The following ARMH3 variants were observed in gnomAD, a reference collection of about 807,000 sequenced individuals.
ARMH3 encodes armadillo like helical domain containing 3.
In ARMH3, 60 loss-of-function variants were observed where a neutral mutation model predicts 99.1. That is an observed-to-expected ratio of 0.61 (90% CI 0.49 to 0.75). The LOEUF is 0.75. Ranked by LOEUF, ARMH3 falls within the 30% of genes least tolerant of loss-of-function variation. The pLI is 0.00. For missense variants in ARMH3, 679 were observed against 843.1 expected, an observed-to-expected ratio of 0.81 and a Z score of 2.41; for synonymous variants, 285 against 292.8, an observed-to-expected ratio of 0.97 and a Z score of 0.27.
intron 1 of ARMH3, among the ~76,000 whole-genome samples, chr10:102,052,349 T>C: frequency 6.6e-6 from 1 of 152,092 alleles, no homozygotes; most frequent in South Asian, 2.1e-4. Context: ...TCAGCCTCCT[T>C]AGTAGCTGGC....
chr10:101,996,475 T>G (rs1847060549), intron 15 of ARMH3, among the ~76,000 whole-genome samples: 1 of 152,072 alleles, frequency 6.6e-6, no homozygotes, highest in Non-Finnish European at 1.5e-5. Context: ...ATGGTGACAA[T>G]CCCTATCTGA....
Position 102,008,621 on chromosome 10 carries a change from C to T in ARMH3, c.954+753G>A, listed in dbSNP as rs918816666. Among the ~76,000 whole-genome samples, 15 of 152,010 alleles carry T rather than the reference C, an allele frequency of 9.9e-5. No individual in the cohort carries two copies. In the South Asian group the frequency reaches 1.0e-3, roughly 11 times the overall value. ...AGGCTGGAGTGCAATGGCGCGACTT[C>T]GGCTCACTGCAAGCTCTGCCTCCTG... On this transcript the variant is annotated intron_variant, in intron 13 of 25. Coordinates refer to ENST00000370033, the MANE Select transcript of ARMH3 (RefSeq NM_024541.3).
chr10:101,978,346 CAG>C (rs1846093735), intron 19 of ARMH3, among the ~76,000 whole-genome samples: 1 of 152,136 alleles, frequency 6.6e-6, no homozygotes, highest in Non-Finnish European at 1.5e-5. Context: ...TCTCACATCA[CAG>C]AGGGAAGTTA....
At chr10:101,889,513 A>T (rs1457934576) in intron 23 of ARMH3, 23 bp from the exon 24 acceptor site, 1 of 1,583,924 alleles carries the variant, frequency 6.3e-7, no homozygotes, top group Non-Finnish European at 8.7e-7. Context: ...ATTCGTATTA[A>T]TATGGTGCCA....
At chr10:101,901,853 C>T (rs1027283322) in intron 23 of ARMH3, among the ~76,000 whole-genome samples, 2 of 152,172 alleles carry the variant, frequency 1.3e-5, no homozygotes, top group Non-Finnish European at 2.9e-5. Context: ...AGTATTGAAC[C>T]GTTCTGCCTA....
intron 15 of ARMH3, among the ~76,000 whole-genome samples, chr10:101,996,121 C>G (rs183091780): frequency 5.3e-5 from 8 of 152,200 alleles, no homozygotes; most frequent in Non-Finnish European, 1.0e-4. Flanking sequence ...CTGCCAAGTA[C>G]GAGAACCCAT....
intron 23 of ARMH3, among the ~76,000 whole-genome samples, chr10:101,910,378 T>C (rs918029490): frequency 2.0e-5 from 3 of 152,202 alleles, no homozygotes; most frequent in African/African-American, 7.2e-5. Context: ...ATTATTTAGA[T>C]TGTGTTATTT....
chr10:101,907,392 T>C (rs1249902045), intron 23 of ARMH3, among the ~76,000 whole-genome samples: 1 of 151,580 alleles, frequency 6.6e-6, no homozygotes, highest in African/African-American at 2.4e-5. Context: ...TTTGTTTTTT[T>C]TTTTTTTTGA....
intron 20 of ARMH3, among the ~76,000 whole-genome samples, chr10:101,968,027 C>T (rs1319293306): frequency 1.3e-5 from 2 of 151,738 alleles, no homozygotes; most frequent in Admixed American, 6.6e-5. Context: ...TCCTTGCAGT[C>T]AATGTGTATC....
chr10:102,041,146 G>A (rs935275077), intron 1 of ARMH3, among the ~76,000 whole-genome samples: 6 of 141,536 alleles, frequency 4.2e-5, no homozygotes, highest in Non-Finnish European at 6.2e-5. Flanking sequence ...CAAACTCCAA[G>A]GTATTTTTCA....
At chr10:101,949,553 T>C (rs1224411364) in intron 22 of ARMH3, among the ~76,000 whole-genome samples, 3 of 152,116 alleles carry the variant, frequency 2.0e-5, no homozygotes, top group East Asian at 3.8e-4. Flanking sequence ...GTCCTGTATC[T>C]ATTAAATAAA....
chr10:101,858,593 T>TA (rs1423484462), intron 24 of ARMH3, among the ~76,000 whole-genome samples: 4 of 152,084 alleles, frequency 2.6e-5, no homozygotes, highest in Non-Finnish European at 5.9e-5. Flanking sequence ...CATCCATAAA[T>TA]AAAAAAATTC....
At chr10:101,855,483 G>A (rs2066716432) in intron 24 of ARMH3, among the ~76,000 whole-genome samples, 1 of 151,210 alleles carries the variant, frequency 6.6e-6, no homozygotes, top group Admixed American at 6.6e-5. Context: ...GCCGAGGTGG[G>A]AGGATCGTTT....
At chr10:102,048,208 C>G (rs2067604207) in intron 1 of ARMH3, among the ~76,000 whole-genome samples, 1 of 152,130 alleles carries the variant, frequency 6.6e-6, no homozygotes, top group African/African-American at 2.4e-5. Context: ...TATCATTCTC[C>G]CCACATTAAA....
At position 101,953,173 on chromosome 10, in the gene ARMH3, A is replaced by G. The variant is rs373790293; in HGVS notation, c.1705+3424T>C. On this transcript the variant is annotated intron_variant, in intron 22 of 25. Transcript: ENST00000370033. Reference sequence around the variant, plus strand: ...GAGATAGGGTACCACTCTGTCACACAGGCTGGAGTGCAGTGGTACAATCTC... The same window carrying G: ...GAGATAGGGTACCACTCTGTCACACGGGCTGGAGTGCAGTGGTACAATCTC... Among the ~76,000 whole-genome samples the G allele has an allele frequency of 5.3e-5, 8 of 152,314 alleles. No individual in the cohort carries two copies. The East Asian group carries it at 5.8e-4, about 11-fold the overall frequency.
chr10:102,016,184 A>AT (rs942793293), intron 8 of ARMH3, among the ~76,000 whole-genome samples: 50 of 151,730 alleles, frequency 3.3e-4, no homozygotes, highest in Admixed American at 1.8e-3. Context: ...AGGATTTTGG[A>AT]TTTTTTTTTA....
chr10:101,864,477 A>G (rs1012100801), intron 24 of ARMH3, among the ~76,000 whole-genome samples: 1 of 152,250 alleles, frequency 6.6e-6, no homozygotes, highest in African/African-American at 2.4e-5. Flanking sequence ...ACAATAGCAA[A>G]GATTTGGAAC....
intron 3 of ARMH3, 24 bp downstream of exon 3, chr10:102,033,259 T>A (rs910435465): frequency 1.2e-6 from 2 of 1,613,822 alleles, no homozygotes; most frequent in Non-Finnish European, 8.5e-7. Flanking sequence ...ACCAGGAAAT[T>A]CCACAGATGC....
At chr10:102,027,278 CAA>C (rs1228063848) in intron 5 of ARMH3, among the ~76,000 whole-genome samples, 10 of 56,486 alleles carry the variant, frequency 1.8e-4, no homozygotes, top group African/African-American at 2.3e-4. Flanking sequence ...GATTCCGTCT[CAA>C]AAAAAAAAAA....
Sources: gnomAD v4.1 joint callset for allele counts (sites outside exome capture counted in the v4.1 genomes callset) on GRCh38, gnomAD v4.1.1 for gene constraint, MANE v1.5 for transcripts, NCBI Gene and HGNC (gene_info 2026-07-23, HGNC 2026-07-21) for gene names.